Variants in LRRIQ1 observed in about 807,000 individuals in gnomAD.
The protein encoded by LRRIQ1 is leucine rich repeats and IQ motif containing 1.
In LRRIQ1, 210 loss-of-function variants were observed where a neutral mutation model predicts 211.9. The observed-to-expected ratio is 0.99, with a 90% CI of 0.89 to 1.11. The LOEUF (loss-of-function observed/expected upper bound fraction) is 1.11. LRRIQ1 is among the 50% of genes most tolerant of loss of function. The pLI is 0.00. For missense variants in LRRIQ1, 2,136 were observed against 1,939.5 expected, an observed-to-expected ratio of 1.10 and a Z score of -1.90; for synonymous variants, 699 against 650.1, an observed-to-expected ratio of 1.08 and a Z score of -1.14.
chr12:85,232,720 T>G lies in LRRIQ1; in HGVS notation c.4980T>G (p.Asp1660Glu). The change falls in exon 26 of 27, where the codon GAT becomes GAG. Residue 1660 changes from aspartate to glutamate, a missense_variant. Transcript: ENST00000393217. ...GCAATCACTTTTTGCCTGAGTTAGA[T>G]CCAGATGTACTTAATGGTGGAAGAG... is the stretch of plus-strand genomic sequence containing the variant. ...MKCNHFLPEL[D>E]PDVLNGGRVQ... 6.2e-7 allele frequency: 1 copy of G among 1,612,822 alleles called. No individual in the cohort carries two copies.
At chr12:85,050,093 CAG>C (rs1293624937) in intron 6 of LRRIQ1, among the ~76,000 whole-genome samples, 2 of 152,112 alleles carry the variant, frequency 1.3e-5, no homozygotes, top group African/African-American at 4.8e-5. Flanking sequence ...AATGTGGACT[CAG>C]AGCAAAATCT....
In LRRIQ1 at chr12:85,244,910, G is replaced by C. The variant is rs759423232; in HGVS notation, c.5138G>C (p.Ser1713Thr). Residue 1713 changes from serine to threonine, a missense_variant, in exon 27 of 27, where the codon AGT becomes ACT. Physicochemically the swap from Ser to Thr is moderately conservative, Grantham distance 58. Transcript: ENST00000393217. ...QAHRHSAGSS[S>T]KLWFPSKLI The stretch of plus-strand genomic sequence containing the variant: ...CACAGACACTCAGCAGGATCTTCAA[G>C]TAAGTTGTGGTTTCCTTCAAAATTA... The C allele has an allele frequency of 1.5e-5, 24 of 1,610,718 alleles. No homozygotes were observed. In the Admixed American group the frequency reaches 3.5e-4, roughly 24 times the overall value.
At chr12:85,089,168 C>T (rs996737432) in intron 11 of LRRIQ1, among the ~76,000 whole-genome samples, 2 of 152,118 alleles carry the variant, frequency 1.3e-5, no homozygotes, top group Admixed American at 6.5e-5. Context: ...TGAATTTTGT[C>T]AAAGGCCTTT....
chr12:85,063,027 T>C (rs1882021764), intron 8 of LRRIQ1, among the ~76,000 whole-genome samples: 1 of 151,884 alleles, frequency 6.6e-6, no homozygotes, highest in Non-Finnish European at 1.5e-5. Context: ...TTCATGTTCT[T>C]TGCCCACTTC....
intron 24 of LRRIQ1, among the ~76,000 whole-genome samples, chr12:85,178,305 C>A (rs1891816132): frequency 6.6e-6 from 1 of 152,054 alleles, no homozygotes; most frequent in Non-Finnish European, 1.5e-5. Context: ...TGTAGACAAG[C>A]TGTAATACTG....
chr12:85,197,494 A>G (rs1892987461), intron 24 of LRRIQ1, among the ~76,000 whole-genome samples: 1 of 150,760 alleles, frequency 6.6e-6, no homozygotes, highest in African/African-American at 2.4e-5. Context: ...AATACTATGC[A>G]GCCATAAAAA....
intron 11 of LRRIQ1, among the ~76,000 whole-genome samples, chr12:85,096,055 T>C (rs2136259523): frequency 6.6e-6 from 1 of 152,288 alleles, no homozygotes; most frequent in Middle Eastern, 3.4e-3. Context: ...TCTCTCATTT[T>C]TTCTTGTTAA....
chr12:85,196,204 A>G (rs1323785903), intron 24 of LRRIQ1, among the ~76,000 whole-genome samples: 2 of 152,176 alleles, frequency 1.3e-5, no homozygotes, highest in Non-Finnish European at 2.9e-5. Context: ...AGAACATACC[A>G]TGCTCATGGG....
chr12:85,236,830 C>CATATATATCTATAT (rs1555228691), intron 26 of LRRIQ1, among the ~76,000 whole-genome samples: 13 of 108,802 alleles, frequency 1.2e-4, no homozygotes, highest in African/African-American at 5.8e-4. Context: ...TGTATGTGTG[C>CATATATATCTATAT]ATATATATAT....
At chr12:85,120,804 C>T (rs868682689) in intron 15 of LRRIQ1, among the ~76,000 whole-genome samples, 2 of 149,056 alleles carry the variant, frequency 1.3e-5, no homozygotes, top group South Asian at 2.1e-4. Context: ...CTGTAACTAT[C>T]AGCAGCCTGG....
chr12:85,072,529 C>T lies in LRRIQ1; in HGVS notation c.2696-378C>T, dbSNP rs527269504. Among the ~76,000 whole-genome samples the T allele has an allele frequency of 1.3e-3, 186 of 143,270 alleles. 1 individual carries two copies. Among genetic ancestry groups the T allele is most frequent in the African/African-American group, 4.5e-3 (179 of 40,224 alleles). 94.0% of individuals were successfully genotyped at this position (143,270 alleles called of 152,430 possible). On this transcript the variant is annotated intron_variant, in intron 10 of 26. Coordinates refer to ENST00000393217, the MANE Select transcript of LRRIQ1 (RefSeq NM_001079910.2). ...GTGAATTTGCTTGTTATTGATTTGTCGTTAATCAGCCTTTTTTTTTTTGGT... is the reference window on the plus strand; with the variant it reads ...GTGAATTTGCTTGTTATTGATTTGTTGTTAATCAGCCTTTTTTTTTTTGGT...
intron 23 of LRRIQ1, among the ~76,000 whole-genome samples, chr12:85,158,033 T>G (rs1386233606): frequency 6.6e-6 from 1 of 151,946 alleles, no homozygotes; most frequent in Non-Finnish European, 1.5e-5. Flanking sequence ...TTATTCAAGA[T>G]TTATTTTGTT....
chr12:85,261,595 C>G (rs976465248), intron 1 of LRRIQ1, among the ~76,000 whole-genome samples: 1 of 151,462 alleles, frequency 6.6e-6, no homozygotes, highest in African/African-American at 2.4e-5. Context: ...GAAAGCATCA[C>G]AATGGAGAAT....
intron 24 of LRRIQ1, among the ~76,000 whole-genome samples, chr12:85,221,010 C>G (rs1164959527): frequency 6.6e-6 from 1 of 151,854 alleles, no homozygotes; most frequent in East Asian, 1.9e-4. Context: ...TGGGGTTTCA[C>G]CATGCTGGCC....
intron 15 of LRRIQ1, among the ~76,000 whole-genome samples, chr12:85,109,525 A>G (rs1251136018): frequency 6.6e-6 from 1 of 152,130 alleles, no homozygotes; most frequent in Non-Finnish European, 1.5e-5. Flanking sequence ...CCAGTTTAGA[A>G]ATGTCTTTTC....
intron 19 of LRRIQ1, among the ~76,000 whole-genome samples, chr12:85,149,403 A>G (rs1032912173): frequency 6.6e-6 from 1 of 152,000 alleles, no homozygotes; most frequent in African/African-American, 2.4e-5. Context: ...TTTATTGAAC[A>G]GGAGATCTTT....
At position 85,137,903 on chromosome 12, in the gene LRRIQ1, T is replaced by A. The variant is rs1889247266; in HGVS notation, c.4263T>A (p.Ala1421=). The A allele has an allele frequency of 1.3e-6, 2 of 1,583,944 alleles. No individual in the cohort carries two copies. The highest frequency in any genetic ancestry group is 2.7e-5 in the African/African-American group (2 of 73,674). The change falls in exon 19 of 27, where the codon GCT becomes GCA. Residue 1421 remains alanine, a synonymous_variant. Transcript: ENST00000393217. ...AGAAACTGACAACAGCTCTAGAGGCTATTAAGAATGAAGAATCCGATGAAG... is the reference window on the plus strand; with the variant it reads ...AGAAACTGACAACAGCTCTAGAGGCAATTAAGAATGAAGAATCCGATGAAG... ...LRKKLTTALE[A]IKNEESDEEY...
intron 11 of LRRIQ1, among the ~76,000 whole-genome samples, chr12:85,084,661 C>T (rs1245101887): frequency 6.6e-6 from 1 of 152,116 alleles, no homozygotes; most frequent in Non-Finnish European, 1.5e-5. Context: ...CATGGTGGCT[C>T]ATGCCTGTAA....
chr12:85,261,692 A>G (rs1457349162), intron 1 of LRRIQ1, among the ~76,000 whole-genome samples: 1 of 151,980 alleles, frequency 6.6e-6, no homozygotes, highest in African/African-American at 2.4e-5. Flanking sequence ...TTCCCCACAG[A>G]TACAGCCCTG....
Sources: allele counts gnomAD v4.1 joint callset (sites outside exome capture counted in the v4.1 genomes callset), GRCh38; gene constraint gnomAD v4.1.1; transcripts MANE v1.5; gene names NCBI Gene and HGNC (gene_info 2026-07-23, HGNC 2026-07-21).